DLGAP2: variants seen among roughly 807,000 people sequenced by gnomAD.
The protein encoded by DLGAP2 is disks large-associated protein 2.
Under a neutral mutation model 100.3 loss-of-function variants are expected in DLGAP2, and 26 were observed. The observed-to-expected ratio is 0.26, with a 90% CI of 0.19 to 0.36. The LOEUF is 0.36. Ranked by LOEUF, DLGAP2 falls within the 10% of genes least tolerant of loss-of-function variation. The pLI, the probability that DLGAP2 is intolerant of heterozygous loss-of-function variation, is 1.00. For synonymous variants in DLGAP2, 886 were observed against 630.1 expected (o/e 1.41, Z -6.08); for missense variants, 1,858 against 1,453.2 (o/e 1.28, Z -4.53).
intron 3 of DLGAP2, among the ~76,000 whole-genome samples, chr8:1,482,769 G>C (rs1799131275): frequency 6.6e-6 from 1 of 152,256 alleles, no homozygotes; most frequent in Admixed American, 6.5e-5. Context: ...ACACAGAGTA[G>C]GAGCTGCAGG....
intron 12 of DLGAP2, among the ~76,000 whole-genome samples, chr8:1,688,869 A>C (rs1441887134): frequency 2.6e-5 from 4 of 152,310 alleles, no homozygotes; most frequent in South Asian, 4.1e-4. Context: ...AGCCCTTTCA[A>C]ATCAAGGTTA....
chr8:1,529,041 G>C (rs1449412927), intron 4 of DLGAP2, among the ~76,000 whole-genome samples: 2 of 151,540 alleles, frequency 1.3e-5, no homozygotes, highest in African/African-American at 4.9e-5. Flanking sequence ...GTATTAGTCT[G>C]TTGTCCTACT....
At chr8:1,297,003 T>A (rs1433777519) in intron 3 of DLGAP2, 1 of 152,234 alleles carries the variant, frequency 6.6e-6, no homozygotes, top group Non-Finnish European at 1.5e-5. Context: ...GGGCCTGTGC[T>A]AAGGAAGGAA....
intron 4 of DLGAP2, among the ~76,000 whole-genome samples, chr8:1,504,528 C>T (rs903265162): frequency 6.6e-5 from 10 of 152,188 alleles, no homozygotes; most frequent in Admixed American, 1.3e-4. Flanking sequence ...ATGCTGCACC[C>T]TTCCGCCAAC....
chr8:1,178,896 C>T (rs2116697181), intron 2 of DLGAP2, among the ~76,000 whole-genome samples: 1 of 152,306 alleles, frequency 6.6e-6, no homozygotes, highest in South Asian at 2.1e-4. Context: ...GCCCCCCTGC[C>T]CCACACCATT....
intron 2 of DLGAP2, among the ~76,000 whole-genome samples, chr8:1,061,308 A>G (rs925014434): frequency 3.9e-5 from 6 of 152,100 alleles, no homozygotes; most frequent in Non-Finnish European, 7.4e-5. Flanking sequence ...ACTCTCTCCA[A>G]TGTAGGCCCA....
chr8:1,528,705 G>A (rs1032347685), intron 4 of DLGAP2, among the ~76,000 whole-genome samples: 6 of 152,146 alleles, frequency 3.9e-5, no homozygotes, highest in African/African-American at 7.2e-5. Flanking sequence ...CCAGATGACC[G>A]AGCTGAAACA....
intron 3 of DLGAP2, among the ~76,000 whole-genome samples, chr8:1,420,631 A>G (rs1421072736): frequency 1.3e-5 from 2 of 152,178 alleles, no homozygotes; most frequent in African/African-American, 2.4e-5. Context: ...AAGGTTTCAC[A>G]CTGTCAGGAC....
Position 1,381,782 on chromosome 8 carries a change from AGTGTGTGTGTGTGTGTGTGTGT to A in DLGAP2, c.107-119563_107-119542del, listed in dbSNP as rs72529197. The stretch of plus-strand genomic sequence containing the variant: ...CCTTAGTAAATCTGAGGGTTATTCT[AGTGTGTGTGTGTGTGTGTGTGT>A]GTGTGTGTGTGTGTGTGTGTTTGTA... On this transcript the variant is annotated intron_variant, in intron 3 of 14. Coordinates refer to ENST00000637795, the MANE Select transcript of DLGAP2 (RefSeq NM_001346810.2). Among the ~76,000 whole-genome samples, 6 of 141,790 alleles carry A rather than the reference AGTGTGTGTGTGTGTGTGTGTGT, an allele frequency of 4.2e-5. No individual in the cohort carries two copies. In the South Asian group the frequency reaches 9.4e-4, roughly 22 times the overall value. 93.0% of individuals were successfully genotyped at this position (141,790 alleles called of 152,430 possible). A position where few individuals can be genotyped will look rare whatever the true frequency, so the allele number is the denominator to read the frequency against.
rs1801646281 is a variant in DLGAP2 at position 1,548,819 on chromosome 8, G to A, written c.366G>A (p.Leu122=). The change falls in exon 5 of 15, where the codon CTG becomes CTA. Residue 122 remains leucine (L), a synonymous_variant. Coordinates refer to ENST00000637795, the MANE Select transcript of DLGAP2 (RefSeq NM_001346810.2). ...CCGACGCGCGGCCGCCCTACCTGCT[G>A]AGCCCCGCCGACAGCTGCCCCGGGG... ...HGPDARPPYL[L]SPADSCPGGR... 6.3e-7 allele frequency: 1 copy of A among 1,580,538 alleles called. No individual in the cohort carries two copies. The highest frequency in any genetic ancestry group is 8.6e-7 in the Non-Finnish European group (1 of 1,167,546).
chr8:1,669,141 G>C (rs567946510), intron 9 of DLGAP2, among the ~76,000 whole-genome samples: 1 of 152,328 alleles, frequency 6.6e-6, no homozygotes, highest in African/African-American at 2.4e-5. Context: ...GGAAGGGCAT[G>C]CTCTCCTCTC....
intron 2 of DLGAP2, among the ~76,000 whole-genome samples, chr8:1,164,788 G>A (rs1041472059): frequency 3.3e-5 from 5 of 152,230 alleles, no homozygotes; most frequent in African/African-American, 7.2e-5. Flanking sequence ...AGAAGCTTCC[G>A]ACTGCTGCGT....
At chr8:1,343,284 T>C (rs1334911460) in intron 3 of DLGAP2, among the ~76,000 whole-genome samples, 1 of 152,158 alleles carries the variant, frequency 6.6e-6, no homozygotes, top group Non-Finnish European at 1.5e-5. Flanking sequence ...GGCCTGAGCC[T>C]CCAGGTGTCT....
chr8:1,523,318 G>A (rs1800674095), intron 4 of DLGAP2, among the ~76,000 whole-genome samples: 1 of 152,248 alleles, frequency 6.6e-6, no homozygotes, highest in African/African-American at 2.4e-5. Flanking sequence ...ACACACGACA[G>A]AGAACAGCGT....
At chr8:1,617,896 C>T (rs1463074393) in intron 6 of DLGAP2, among the ~76,000 whole-genome samples, 1 of 152,132 alleles carries the variant, frequency 6.6e-6, no homozygotes, top group Non-Finnish European at 1.5e-5. Flanking sequence ...TGGAAAACAA[C>T]AGTAAAATGG....
chr8:1,548,607 C>T lies in DLGAP2; in HGVS notation c.173-19C>T, dbSNP rs779088209. The T allele has an allele frequency of 1.2e-5, 18 of 1,475,614 alleles. No homozygotes were observed. The South Asian group carries it at 1.8e-4, about 14-fold the overall frequency. 91.4% of individuals were successfully genotyped at this position (1,475,614 alleles called of 1,614,324 possible). On this transcript the variant is annotated intron_variant, in intron 4 of 14. Transcript: ENST00000637795. ...CGCCGCGCTTCCGGGTGTTCAATGCCGTTTCTGTTTCCCCACAGACCCGCA... is the reference window on the plus strand; with the variant it reads ...CGCCGCGCTTCCGGGTGTTCAATGCTGTTTCTGTTTCCCCACAGACCCGCA...
chr8:1,134,967 A>C (rs1402869099), intron 2 of DLGAP2, among the ~76,000 whole-genome samples: 1 of 152,316 alleles, frequency 6.6e-6, no homozygotes, highest in South Asian at 2.1e-4. Context: ...TATCAATAGA[A>C]TCAATATCAA....
chr8:1,446,007 G>C (rs556003260), intron 3 of DLGAP2, among the ~76,000 whole-genome samples: 1 of 151,804 alleles, frequency 6.6e-6, no homozygotes, highest in East Asian at 1.9e-4. Context: ...TGTCAGATGA[G>C]TAGGTTGCAA....
intron 2 of DLGAP2, among the ~76,000 whole-genome samples, chr8:1,252,108 C>G (rs1455256553): frequency 6.9e-6 from 1 of 145,576 alleles, no homozygotes. Flanking sequence ...GTCACGGTGT[C>G]AAAGTCATGT....
Sources: allele counts gnomAD v4.1 joint callset (sites outside exome capture counted in the v4.1 genomes callset), GRCh38; gene constraint gnomAD v4.1.1; transcripts MANE v1.5; gene names NCBI Gene and HGNC (gene_info 2026-07-23, HGNC 2026-07-21).